Variants in HINFP observed in about 807,000 individuals in gnomAD.
HINFP encodes histone H4 transcription factor.
A neutral mutation model predicts 50.1 loss-of-function variants in HINFP; 20 were observed. The observed-to-expected ratio is 0.40, with a 90% CI of 0.28 to 0.58. The LOEUF (loss-of-function observed/expected upper bound fraction) is 0.58. Ranked by LOEUF, HINFP falls within the 20% of genes least tolerant of loss-of-function variation. The pLI, the probability that HINFP is intolerant of heterozygous loss-of-function variation, is 0.45. For synonymous variants in HINFP, 247 were observed against 243.7 expected (o/e 1.01, Z -0.13); for missense variants, 505 against 664.1 (o/e 0.76, Z 2.63).
rs202020241 is a variant in HINFP, at chr11:119,132,701, G to T, written c.795G>T (p.Pro265=). ...YKCPLCDMTC[P]LPSSLRNHMR... The stretch of plus-strand genomic sequence containing the variant: ...GCCCTCTGTGTGACATGACCTGCCC[G>T]CTGCCTTCCTCCCTCCGCAACCACA... The change falls in exon 7 of 10, where the codon CCG becomes CCT. Residue 265 remains proline (P), a synonymous_variant. Coordinates refer to ENST00000350777, the MANE Select transcript of HINFP (RefSeq NM_198971.3). The T allele has an allele frequency of 8.7e-6, 14 of 1,613,714 alleles. No homozygotes were observed. The highest frequency in any genetic ancestry group is 6.7e-5 in the African/African-American group (5 of 74,878).
intron 1 of HINFP, among the ~76,000 whole-genome samples, chr11:119,123,121 C>T (rs1469976453): frequency 2.6e-5 from 2 of 77,972 alleles, no homozygotes; most frequent in East Asian, 4.3e-4. Context: ...GAGCAAGACT[C>T]CATCTCCAAA....
At position 119,133,232 on chromosome 11, in the gene HINFP, A is replaced by C. The variant is rs1211698297; in HGVS notation, c.1139+13A>C. On this transcript the variant is annotated intron_variant, in intron 9 of 9. Transcript: ENST00000350777. ...ATCCCCGTTTTCGGTATGTCTCTCA[A>C]CCCTCCTTCCCAGATTAACACACTT... 1 of 1,613,354 alleles carries C rather than the reference A, an allele frequency of 6.2e-7. No homozygotes were observed. Among genetic ancestry groups the C allele is most frequent in the East Asian group, 2.2e-5 (1 of 44,866 alleles).
At position 119,131,914 on chromosome 11, in the gene HINFP, C is replaced by G; in HGVS notation, c.608C>G (p.Thr203Ser). ...CAGGAGAAAGTGGTAGCCTGCCCCA[C>G]CTGTGGGGGCATGTTTGCCAACAAT... ...HTQEKVVACP[T>S]CGGMFANNTK... The change falls in exon 5 of 10, where the codon ACC (threonine) becomes AGC (serine). Residue 203 changes from threonine (T) to serine (S), a missense_variant. Coordinates refer to ENST00000350777, the MANE Select transcript of HINFP (RefSeq NM_198971.3). This position sits in a 1 kb window ranked among gnomAD's most constrained non-coding sequence, Gnocchi z 4.2. The G allele has an allele frequency of 6.2e-7, 1 of 1,614,050 alleles. No individual in the cohort carries two copies. Among genetic ancestry groups the G allele is most frequent in the Non-Finnish European group, 8.5e-7 (1 of 1,179,910 alleles).
In HINFP at chr11:119,134,571, G is replaced by A. The variant is rs1947972913; in HGVS notation, c.*73G>A. 8.0e-7 allele frequency: 1 copy of A among 1,248,522 alleles called. No individual in the cohort carries two copies. Among genetic ancestry groups the A allele is most frequent in the Middle Eastern group, 2.7e-4 (1 of 3,650 alleles). 77.3% of individuals were successfully genotyped at this position (1,248,522 alleles called of 1,614,324 possible). A position where few individuals can be genotyped will look rare whatever the true frequency, so the allele number is the denominator to read the frequency against. ...CAGGCAAGTGGCAGTGCCCCTAGTG[G>A]GCAGCCGTTGCCAATGGATGCCTTT... On this transcript the variant is annotated 3_prime_UTR_variant, in exon 10 of 10. Transcript: ENST00000350777. This position sits in a 1 kb window ranked among gnomAD's most constrained non-coding sequence, Gnocchi z 4.3.
rs59395600 is a variant in HINFP at position 119,129,490 on chromosome 11, C to CTTTTTTTTTTTTTTTTTT, written c.182-1220_182-1219insTTTTTTTTTTTTTTTTTT. 2.3e-4 allele frequency among the ~76,000 whole-genome samples: 29 copies of CTTTTTTTTTTTTTTTTTT among 124,178 alleles called. 2 individuals are homozygous for CTTTTTTTTTTTTTTTTTT. Among genetic ancestry groups the CTTTTTTTTTTTTTTTTTT allele is most frequent in the South Asian group, 1.0e-3 (3 of 2,910 alleles). The allele number at this position is 124,178 out of a possible 152,430, so 81.5% of individuals were successfully genotyped here. On this transcript the variant is annotated intron_variant, in intron 2 of 9. Transcript: ENST00000350777. Reference sequence around the variant, plus strand: ...TCTGGCAGGAATACATTTTTCTTTTCTTTTTTTTTTTTTTTGTGGGAGTGC... The same window carrying CTTTTTTTTTTTTTTTTTT: ...TCTGGCAGGAATACATTTTTCTTTTCTTTTTTTTTTTTTTTTTTTTTTTTTTTTTTTTTGTGGGAGTGC...
At chr11:119,122,063 C>T (rs1592253486) in intron 1 of HINFP, 1 of 152,358 alleles carries the variant, frequency 6.6e-6, no homozygotes, top group Non-Finnish European at 1.5e-5. Flanking sequence ...TCTTTTTGGC[C>T]AAATTATGAG....
intron 1 of HINFP, chr11:119,125,181 G>A (rs1947323746): frequency 6.6e-6 from 1 of 151,258 alleles, no homozygotes; most frequent in South Asian, 2.1e-4. Flanking sequence ...TGGGATTACA[G>A]GCTTGTGCCA....
intron 2 of HINFP, among the ~76,000 whole-genome samples, chr11:119,127,843 A>G (rs962254653): frequency 1.4e-5 from 2 of 142,356 alleles, no homozygotes; most frequent in African/African-American, 5.2e-5. Context: ...GTCCAACCCC[A>G]CTCCCACCTT....
In HINFP at chr11:119,130,916, A is replaced by G. The variant is rs759626491; in HGVS notation, c.373A>G (p.Ile125Val). Residue 125 changes from isoleucine to valine, a missense_variant, in exon 3 of 10, where the codon ATC becomes GTC. Ile to Val is a conservative substitution (Grantham distance 29). Transcript: ENST00000350777. ...DFQSRNVIPD[I>V]PDHFLCLWEH... ...CCAGAGCCGGAACGTCATCCCTGAT[A>G]TCCCTGACCACTTCCTGTGTCTGTG... 5.6e-5 allele frequency: 90 copies of G among 1,614,180 alleles called. No homozygotes were observed. The Middle Eastern group carries it at 1.8e-3, about 33-fold the overall frequency.
rs533354911 is a variant in HINFP, at chr11:119,135,424, G to T, written c.*926G>T. The T allele has an allele frequency of 7.9e-5, 12 of 152,312 alleles. No homozygotes were observed. The East Asian group carries it at 2.3e-3, about 29-fold the overall frequency. 9.4% of individuals were successfully genotyped at this position (152,312 alleles called of 1,614,324 possible). A position where few individuals can be genotyped will look rare whatever the true frequency, so the allele number is the denominator to read the frequency against. On this transcript the variant is annotated 3_prime_UTR_variant, in exon 10 of 10. Transcript: ENST00000350777. ...TACCTGGGAGTGGGAAGGAAGCTGG[G>T]GGGTGGAGAGGATTGGGAAGCCTCC...
chr11:119,127,242 G>A (rs947716385), intron 2 of HINFP, 117 bp downstream of exon 2: 2 of 834,780 alleles, frequency 2.4e-6, no homozygotes, highest in Non-Finnish European at 3.5e-6. Flanking sequence ...TCCTAATTGT[G>A]TTTTTGTTGT....
intron 1 of HINFP, chr11:119,125,282 A>G (rs1231059227): frequency 6.6e-6 from 1 of 151,720 alleles, no homozygotes; most frequent in African/African-American, 2.4e-5. Context: ...CAGATGATCC[A>G]CCTGTCTTGG....
Position 119,134,393 on chromosome 11 carries a change from G to C in HINFP, c.1449G>C (p.Leu483=). ...AGCAAGAGATCGTCTACTATGTGCTGTCTGAAGCCCCAGGGGAGCCTCCCC... is the reference window on the plus strand; with the variant it reads ...AGCAAGAGATCGTCTACTATGTGCTCTCTGAAGCCCCAGGGGAGCCTCCCC... The part of the protein sequence containing the change: ...QGQQEIVYYV[L]SEAPGEPPPA... Residue 483 remains leucine, a synonymous_variant, in exon 10 of 10, where the codon CTG becomes CTC. Transcript: ENST00000350777. The surrounding 1 kb of genome is among the most constrained non-coding windows in gnomAD (Gnocchi z 4.3). 1 of 1,614,192 alleles carries C rather than the reference G, an allele frequency of 6.2e-7. No individual in the cohort carries two copies. The highest frequency in any genetic ancestry group is 8.5e-7 in the Non-Finnish European group (1 of 1,180,000).
Position 119,135,178 on chromosome 11 carries a change from T to A in HINFP, c.*680T>A, listed in dbSNP as rs769153353. 7 of 152,422 alleles carry A rather than the reference T, an allele frequency of 4.6e-5. No homozygotes were observed. The highest frequency in any genetic ancestry group is 7.3e-5 in the Non-Finnish European group (5 of 68,066). 9.4% of individuals were successfully genotyped at this position (152,422 alleles called of 1,614,324 possible). On this transcript the variant is annotated 3_prime_UTR_variant, in exon 10 of 10. Transcript: ENST00000350777. Reference sequence around the variant, plus strand: ...TGACTCAGGTGGTTTGTTTTTTGTTTGCTTAACTGTCCTGTTGTCTTCTCC... The same window carrying A: ...TGACTCAGGTGGTTTGTTTTTTGTTAGCTTAACTGTCCTGTTGTCTTCTCC...
In HINFP at chr11:119,131,479, A is replaced by G. The variant is rs1744724281; in HGVS notation, c.412-56A>G. The G allele has an allele frequency of 8.6e-7, 1 of 1,156,780 alleles. No individual in the cohort carries two copies. Among genetic ancestry groups the G allele is most frequent in the Non-Finnish European group, 1.3e-6 (1 of 762,242 alleles). The allele number at this position is 1,156,780 out of a possible 1,614,324, so 71.7% of individuals were successfully genotyped here. ...AGAGCCAAGAATTCTTCGGGCACAT[A>G]GGGGTGAGTCCCTCTACCCACCCTC... On this transcript the variant is annotated intron_variant, in intron 3 of 9. Coordinates refer to ENST00000350777, the MANE Select transcript of HINFP (RefSeq NM_198971.3). This position sits in a 1 kb window ranked among gnomAD's most constrained non-coding sequence, Gnocchi z 4.2.
In HINFP at chr11:119,134,319, A is replaced by G; in HGVS notation, c.1375A>G (p.Asn459Asp). The G allele has an allele frequency of 1.2e-6, 2 of 1,614,178 alleles. No individual in the cohort carries two copies. Among genetic ancestry groups the G allele is most frequent in the African/African-American group, 2.7e-5 (2 of 75,058 alleles). Residue 459 changes from asparagine to aspartate, a missense_variant, in exon 10 of 10, where the codon AAC becomes GAC. Physicochemically the swap from Asn to Asp is conservative, Grantham distance 23. Coordinates refer to ENST00000350777, the MANE Select transcript of HINFP (RefSeq NM_198971.3). The surrounding 1 kb of genome is among the most constrained non-coding windows in gnomAD (Gnocchi z 4.3). ...GACAGCCCTCTCAGCCTCTCAGGAC[A>G]ACCCCAGTTCTGTCATCCACGTGGT... ...EGTALSASQD[N>D]PSSVIHVVNQ...
At chr11:119,132,095 C>A in intron 5 of HINFP, 113 bp downstream of exon 5, 1 of 1,195,160 alleles carries the variant, frequency 8.4e-7, no homozygotes, top group Non-Finnish European at 1.2e-6. Flanking sequence ...GCTGCCTCTT[C>A]TTTTTGGGCT....
intron 7 of HINFP, 21 bp downstream of exon 7, chr11:119,132,802 G>A (rs970053879): frequency 8.7e-6 from 14 of 1,613,598 alleles, no homozygotes; most frequent in Non-Finnish European, 1.2e-5. Flanking sequence ...CCAGGGACCA[G>A]AAAACAGCTC....
chr11:119,135,313 TGGG>T lies in HINFP; in HGVS notation c.*816_*818del. 6.6e-6 allele frequency: 1 copy of T among 152,386 alleles called. No individual in the cohort carries two copies. The highest frequency in any genetic ancestry group is 6.5e-5 in the Admixed American group (1 of 15,300). 9.4% of individuals were successfully genotyped at this position (152,386 alleles called of 1,614,324 possible). On this transcript the variant is annotated 3_prime_UTR_variant, in exon 10 of 10. Coordinates refer to ENST00000350777, the MANE Select transcript of HINFP (RefSeq NM_198971.3). ...AGTGGTGCTATAGAATGAACAAGAA[TGGG>T]CTCACTGGGAGGATAGGGCAGCTGA...
Sources: gnomAD v4.1 joint callset for allele counts (sites outside exome capture counted in the v4.1 genomes callset) on GRCh38, gnomAD v4.1.1 for gene constraint, Gnocchi (gnomAD v3.1) non-coding constraint, MANE v1.5 for transcripts, NCBI Gene and HGNC (gene_info 2026-07-23, HGNC 2026-07-21) for gene names.